EFNA2: variants seen among roughly 807,000 people sequenced by gnomAD.
EFNA2 encodes the protein ephrin-A2.
A neutral mutation model predicts 19.7 loss-of-function variants in EFNA2; 18 were observed. The ratio of observed to expected loss-of-function variants is 0.91; its 90% CI spans 0.63 to 1.35. EFNA2 has a LOEUF of 1.35. EFNA2 is among the 40% of genes most tolerant of loss of function. The pLI, the probability that EFNA2 is intolerant of heterozygous loss-of-function variation, is 0.00. For synonymous variants in EFNA2, 187 were observed against 137.8 expected (o/e 1.36, Z -2.50); for missense variants, 303 against 296.0 (o/e 1.02, Z -0.17).
At chr19:1,289,002 G>C (rs2081479121) in intron 1 of EFNA2, among the ~76,000 whole-genome samples, 2 of 152,246 alleles carry the variant, frequency 1.3e-5, no homozygotes, top group African/African-American at 4.8e-5. Flanking sequence ...CACCTGTCCT[G>C]GCCACAACAC....
In EFNA2 at chr19:1,285,894, C is replaced by G. The variant is rs1411288150; in HGVS notation, c.-275C>G. 6.9e-6 allele frequency among the ~76,000 whole-genome samples: 1 copy of G among 145,096 alleles called. No homozygotes were observed. Among genetic ancestry groups the G allele is most frequent in the South Asian group, 2.2e-4 (1 of 4,636 alleles). ...GGCCGGAGCCCGGGCCCCTCCCCGG[C>G]GGGTGCGGCGGCGGCGGCCCGCGCT... is the stretch of plus-strand genomic sequence containing the variant. On this transcript the variant is annotated 5_prime_UTR_variant, in exon 1 of 4. Coordinates refer to ENST00000215368, the MANE Select transcript of EFNA2 (RefSeq NM_001405.4). The surrounding 1 kb of genome is among the most constrained non-coding windows in gnomAD (Gnocchi z 4.1).
chr19:1,295,939 T>TGGGGTGGGGCCGG lies in EFNA2; in HGVS notation c.454+84_454+96dup. 4.5e-6 allele frequency: 1 copy of TGGGGTGGGGCCGG among 223,990 alleles called. No individual in the cohort carries two copies. The highest frequency in any genetic ancestry group is 2.3e-4 in the East Asian group (1 of 4,296). The allele number at this position is 223,990 out of a possible 1,614,324, so 13.9% of individuals were successfully genotyped here. A position where few individuals can be genotyped will look rare whatever the true frequency, so the allele number is the denominator to read the frequency against. Reference sequence around the variant, plus strand: ...GGGGCCAGGAAGTGGGCGGGACCACTGGGGTGGGGCCGGGGAGTGGGCGGG... The same window carrying TGGGGTGGGGCCGG: ...GGGGCCAGGAAGTGGGCGGGACCACTGGGGTGGGGCCGGGGGGTGGGGCCGGGGAGTGGGCGGG... On this transcript the variant is annotated intron_variant, in intron 2 of 3. Coordinates refer to ENST00000215368, the MANE Select transcript of EFNA2 (RefSeq NM_001405.4). This position sits in a 1 kb window ranked among gnomAD's most constrained non-coding sequence, Gnocchi z 5.8.
rs58281257 is a variant in EFNA2, at chr19:1,300,241, A to ATTTTTTTTTTTTTT, written c.*318_*331dup. On this transcript the variant is annotated 3_prime_UTR_variant, in exon 4 of 4. Transcript: ENST00000215368. Reference sequence around the variant, plus strand: ...CGGAGAACCCGGGAACCTCTTGGCGATTTTTTTTTTTTTTTTTTTTTTTTT... The same window carrying ATTTTTTTTTTTTTT: ...CGGAGAACCCGGGAACCTCTTGGCGATTTTTTTTTTTTTTTTTTTTTTTTTTTTTTTTTTTTTTT... 2.3e-5 allele frequency: 1 copy of ATTTTTTTTTTTTTT among 42,650 alleles called. No homozygotes were observed. Among genetic ancestry groups the ATTTTTTTTTTTTTT allele is most frequent in the Non-Finnish European group, 4.5e-5 (1 of 22,124 alleles). 2.6% of individuals were successfully genotyped at this position (42,650 alleles called of 1,614,324 possible).
upstream of EFNA2, among the ~76,000 whole-genome samples, chr19:1,284,603 G>A (rs148305520): frequency 1.3e-5 from 2 of 152,332 alleles, no homozygotes; most frequent in Non-Finnish European, 2.9e-5. This position sits in a 1 kb window ranked among gnomAD's most constrained non-coding sequence, Gnocchi z 5.3. Context: ...CGGGGGAGGA[G>A]GGCACGCAGG....
rs989443728 is a variant in EFNA2 at position 1,296,168 on chromosome 19, T to A, written c.454+310T>A. Among the ~76,000 whole-genome samples the A allele has an allele frequency of 1.3e-5, 2 of 152,312 alleles. No individual in the cohort carries two copies. The highest frequency in any genetic ancestry group is 4.8e-5 in the African/African-American group (2 of 41,578). On this transcript the variant is annotated intron_variant, in intron 2 of 3. Coordinates refer to ENST00000215368, the MANE Select transcript of EFNA2 (RefSeq NM_001405.4). The surrounding 1 kb of genome is among the most constrained non-coding windows in gnomAD (Gnocchi z 4.4). ...CCAACCATCCCGGGAGGCCAGGACT[T>A]TCCTCGTCCTTCGTTGCATATGGGG...
chr19:1,288,220 C>T (rs2081475180), intron 1 of EFNA2, among the ~76,000 whole-genome samples: 1 of 152,260 alleles, frequency 6.6e-6, no homozygotes, highest in South Asian at 2.1e-4. Flanking sequence ...AGCCGGGATC[C>T]AGCCAGAATC....
rs1403556505 is a variant in EFNA2 at position 1,299,628 on chromosome 19, A to C, written c.521-196A>C. On this transcript the variant is annotated intron_variant, in intron 3 of 3. Transcript: ENST00000215368. ...TAAAAGAGTGAAGGTTGAATTCAACAGCCAGGTCCCCCACTTCAGGCCAAG... is the reference window on the plus strand; with the variant it reads ...TAAAAGAGTGAAGGTTGAATTCAACCGCCAGGTCCCCCACTTCAGGCCAAG... Among the ~76,000 whole-genome samples the C allele has an allele frequency of 2.0e-5, 3 of 151,646 alleles. No homozygotes were observed. In the East Asian group the frequency reaches 5.8e-4, roughly 29 times the overall value.
chr19:1,298,732 C>G (rs2144625479), intron 3 of EFNA2, 116 bp downstream of exon 3: 1 of 1,103,478 alleles, frequency 9.1e-7, no homozygotes, highest in Admixed American at 2.2e-5. Flanking sequence ...CCCTATCTTG[C>G]CCTGCCTTGC....
In EFNA2 at chr19:1,295,933, G is replaced by C. The variant is rs972048137; in HGVS notation, c.454+75G>C. 3 of 637,828 alleles carry C rather than the reference G, an allele frequency of 4.7e-6. No homozygotes were observed. Among genetic ancestry groups the C allele is most frequent in the Non-Finnish European group, 7.0e-6 (3 of 428,618 alleles). The allele number at this position is 637,828 out of a possible 1,614,324, so 39.5% of individuals were successfully genotyped here. On this transcript the variant is annotated intron_variant, in intron 2 of 3. Transcript: ENST00000215368. The surrounding 1 kb of genome is among the most constrained non-coding windows in gnomAD (Gnocchi z 5.8). ...GGGGGCGGGGCCAGGAAGTGGGCGGGACCACTGGGGTGGGGCCGGGGAGTG... is the reference window on the plus strand; with the variant it reads ...GGGGGCGGGGCCAGGAAGTGGGCGGCACCACTGGGGTGGGGCCGGGGAGTG...
chr19:1,292,505 C>A (rs563632860), intron 1 of EFNA2, among the ~76,000 whole-genome samples: 1 of 152,346 alleles, frequency 6.6e-6, no homozygotes, highest in African/African-American at 2.4e-5. Flanking sequence ...ATTCAGACAG[C>A]AAACCCTGTA....
intron 1 of EFNA2, among the ~76,000 whole-genome samples, chr19:1,292,136 C>A (rs569964399): frequency 6.6e-6 from 1 of 152,328 alleles, no homozygotes; most frequent in South Asian, 2.1e-4. Context: ...TCCCCAGGTG[C>A]GGTTTTGGGG....
In EFNA2 at chr19:1,287,385, C is replaced by A. The variant is rs1337045825; in HGVS notation, c.140+1077C>A. ...GCACATCGGGGGCTGAGGCGGCCCCCCCCCACTCTTCTGCTACTGGTCACT... is the reference window on the plus strand; with the variant it reads ...GCACATCGGGGGCTGAGGCGGCCCCACCCCACTCTTCTGCTACTGGTCACT... On this transcript the variant is annotated intron_variant, in intron 1 of 3. Transcript: ENST00000215368. This position sits in a 1 kb window ranked among gnomAD's most constrained non-coding sequence, Gnocchi z 6.2. Among the ~76,000 whole-genome samples the A allele has an allele frequency of 6.6e-6, 1 of 152,114 alleles. No individual in the cohort carries two copies.
Position 1,295,758 on chromosome 19 carries a change from G to C in EFNA2, c.354G>C (p.Ala118=). The C allele has an allele frequency of 6.2e-7, 1 of 1,604,956 alleles. No individual in the cohort carries two copies. Among genetic ancestry groups the C allele is most frequent in the Non-Finnish European group, 8.5e-7 (1 of 1,176,912 alleles). ...AGCGCTGGGAGTGCAACCGGCCCGC[G>C]GCGCCCGGGGGGCCGCTCAAGTTCT... ...GFKRWECNRP[A]APGGPLKFSE... is the part of the protein sequence containing the mutation. The change falls in exon 2 of 4, where the codon GCG becomes GCC. Residue 118 remains alanine, a synonymous_variant. Coordinates refer to ENST00000215368, the MANE Select transcript of EFNA2 (RefSeq NM_001405.4). The surrounding 1 kb of genome is among the most constrained non-coding windows in gnomAD (Gnocchi z 5.8).
intron 1 of EFNA2, among the ~76,000 whole-genome samples, chr19:1,290,538 G>A (rs1199193361): frequency 6.6e-6 from 1 of 152,210 alleles, no homozygotes; most frequent in Admixed American, 6.5e-5. Flanking sequence ...AGTGGGTTGT[G>A]CATTCATGGG....
Position 1,295,459 on chromosome 19 carries a change from C to T in EFNA2, c.141-86C>T. The T allele has an allele frequency of 1.5e-6, 2 of 1,361,018 alleles. No individual in the cohort carries two copies. Among genetic ancestry groups the T allele is most frequent in the Non-Finnish European group, 1.9e-6 (2 of 1,034,906 alleles). 84.3% of individuals were successfully genotyped at this position (1,361,018 alleles called of 1,614,324 possible). A position where few individuals can be genotyped will look rare whatever the true frequency, so the allele number is the denominator to read the frequency against. ...CCGACCCGTCCCTCGTGCTCCTGTC[C>T]CCTGACCCTGGCCCTCCCCGCGCAC... is the stretch of plus-strand genomic sequence containing the variant. On this transcript the variant is annotated intron_variant, in intron 1 of 3. Transcript: ENST00000215368. This position sits in a 1 kb window ranked among gnomAD's most constrained non-coding sequence, Gnocchi z 5.8.
chr19:1,288,022 C>T (rs1261654295), intron 1 of EFNA2, among the ~76,000 whole-genome samples: 4 of 152,264 alleles, frequency 2.6e-5, no homozygotes, highest in East Asian at 3.8e-4. Flanking sequence ...TCCTGTTGCT[C>T]CGGGTCTGAC....
chr19:1,288,135 C>T (rs1230299968), intron 1 of EFNA2, among the ~76,000 whole-genome samples: 2 of 152,244 alleles, frequency 1.3e-5, no homozygotes, highest in African/African-American at 2.4e-5. Context: ...CTCCTGCCTG[C>T]GGTATCCAGG....
chr19:1,285,731 C>T (rs1009429422), upstream of EFNA2, among the ~76,000 whole-genome samples: 2 of 150,902 alleles, frequency 1.3e-5, no homozygotes, highest in Non-Finnish European at 3.0e-5. This position sits in a 1 kb window ranked among gnomAD's most constrained non-coding sequence, Gnocchi z 4.1. Flanking sequence ...TGGGGGCAGG[C>T]CCCGGGGGAC....
chr19:1,291,089 A>G (rs1415483329), intron 1 of EFNA2, among the ~76,000 whole-genome samples: 1 of 152,118 alleles, frequency 6.6e-6, no homozygotes, highest in Non-Finnish European at 1.5e-5. Context: ...GGCCACCCGG[A>G]AGTTGGGCAG....
Sources: gnomAD v4.1 joint callset for allele counts (sites outside exome capture counted in the v4.1 genomes callset) on GRCh38, gnomAD v4.1.1 for gene constraint, Gnocchi (gnomAD v3.1) non-coding constraint, MANE v1.5 for transcripts, NCBI Gene and HGNC (gene_info 2026-07-23, HGNC 2026-07-21) for gene names.